LRRC37A2: variants seen among roughly 807,000 people sequenced by gnomAD.
LRRC37A2 encodes leucine rich repeat containing 37 member A2, also known as leucine-rich repeat-containing protein 37A2.
In LRRC37A2, 9 loss-of-function variants were observed where a neutral mutation model predicts 68.8. The ratio of observed to expected loss-of-function variants is 0.13; its 90% CI spans 0.08 to 0.23. The LOEUF (loss-of-function observed/expected upper bound fraction) is 0.23, where lower values mean the gene tolerates loss of function less well. Among genes scored for constraint, LRRC37A2 ranks in the 10% least tolerant of loss-of-function variants. The pLI is 1.00. For missense variants in LRRC37A2, 168 were observed against 950.4 expected (o/e 0.18, Z 10.82); for synonymous variants, 63 against 367.6 (o/e 0.17, Z 9.48).
chr17:46,822,814 C>T, the LRRC37A2 span, among the ~76,000 whole-genome samples: 2 of 151,942 alleles, frequency 1.3e-5, no homozygotes, highest in Non-Finnish European at 2.9e-5. Flanking sequence ...CCAGATCCAC[C>T]CTGCGGATGC....
At chr17:46,727,489 G>C in the LRRC37A2 span, among the ~76,000 whole-genome samples, 26 of 152,282 alleles carry the variant, frequency 1.7e-4, no homozygotes, top group East Asian at 4.4e-3. Flanking sequence ...TAATGGTGTA[G>C]TCGTGATTTC....
chr17:46,939,228 A>C, the LRRC37A2 span: 1 of 1,055,930 alleles, frequency 9.5e-7, no homozygotes, highest in Non-Finnish European at 1.1e-6. Flanking sequence ...ATTAAATAGT[A>C]GGTCGATTCA....
At chr17:47,040,838 G>A in the LRRC37A2 span, among the ~76,000 whole-genome samples, 1 of 7,376 alleles carries the variant, frequency 1.4e-4, no homozygotes, top group African/African-American at 3.0e-4. Flanking sequence ...CTATGCATGC[G>A]CATGACATTG....
chr17:47,045,480 TAAC>T, the LRRC37A2 span, among the ~76,000 whole-genome samples: 1 of 148,898 alleles, frequency 6.7e-6, no homozygotes, highest in African/African-American at 2.4e-5. Flanking sequence ...AACAGAGATT[TAAC>T]AATTTGCCCA....
the LRRC37A2 span, among the ~76,000 whole-genome samples, chr17:46,946,455 CCGTCTCAA>C: frequency 1.1e-3 from 130 of 117,220 alleles, no homozygotes; most frequent in Admixed American, 2.4e-3. Context: ...GAGCAAAACT[CCGTCTCAA>C]AAAAAAAAAA....
the LRRC37A2 span, among the ~76,000 whole-genome samples, chr17:46,703,689 A>AC: frequency 6.6e-6 from 1 of 150,998 alleles, no homozygotes; most frequent in Non-Finnish European, 1.5e-5. Context: ...TCAAAAAAAA[A>AC]AAAAAAAAAA....
the LRRC37A2 span, among the ~76,000 whole-genome samples, chr17:46,753,324 G>A: frequency 6.6e-6 from 1 of 152,176 alleles, no homozygotes; most frequent in Non-Finnish European, 1.5e-5. Context: ...TAACAAATTG[G>A]AAACGTGAAG....
chr17:46,781,850 G>A, the LRRC37A2 span, among the ~76,000 whole-genome samples: 3 of 152,276 alleles, frequency 2.0e-5, no homozygotes, highest in East Asian at 1.9e-4. Context: ...TCCTCTATAC[G>A]GGAAGATTGA....
At chr17:46,918,514 A>G in the LRRC37A2 span, among the ~76,000 whole-genome samples, 1 of 152,184 alleles carries the variant, frequency 6.6e-6, no homozygotes, top group African/African-American at 2.4e-5. Flanking sequence ...AGGTTGGTGC[A>G]AAAGTAATTA....
At chr17:46,976,806 C>G in the LRRC37A2 span, among the ~76,000 whole-genome samples, 1 of 152,230 alleles carries the variant, frequency 6.6e-6, no homozygotes, top group Non-Finnish European at 1.5e-5. Context: ...CTCCAGATAA[C>G]TGCACCACCT....
chr17:46,830,896 C>T, the LRRC37A2 span: 3 of 397,308 alleles, frequency 7.6e-6, no homozygotes, highest in Non-Finnish European at 1.3e-5. Context: ...CAGCACCTCT[C>T]CAACACTTGC....
chr17:46,949,733 C>T, the LRRC37A2 span, among the ~76,000 whole-genome samples: 2 of 152,168 alleles, frequency 1.3e-5, no homozygotes, highest in African/African-American at 4.8e-5. Context: ...GGCTTTTGAG[C>T]TGAATCTCAG....
the LRRC37A2 span, among the ~76,000 whole-genome samples, chr17:47,044,131 A>C: frequency 4.0e-5 from 5 of 125,514 alleles, no homozygotes; most frequent in Non-Finnish European, 8.4e-5. Context: ...TGTTTCCTCC[A>C]CAGTCAGGGC....
At chr17:46,980,529 A>G in the LRRC37A2 span, among the ~76,000 whole-genome samples, 1 of 151,928 alleles carries the variant, frequency 6.6e-6, no homozygotes, top group Non-Finnish European at 1.5e-5. Context: ...GGACCTGTAG[A>G]ATCAAAAAGT....
the LRRC37A2 span, chr17:46,931,314 A>C: frequency 1.4e-6 from 1 of 729,346 alleles, no homozygotes; most frequent in Non-Finnish European, 2.5e-6. Flanking sequence ...TACATGTTGA[A>C]AAACTATGAC....
intron 8 of LRRC37A2, among the ~76,000 whole-genome samples, chr17:46,543,722 T>G (rs191428891): frequency 1.3e-5 from 2 of 151,076 alleles, no homozygotes; most frequent in African/African-American, 5.0e-5. Flanking sequence ...TGATTCCAGA[T>G]GAAAGTTATA....
the LRRC37A2 span, chr17:46,923,143 C>G: frequency 1.6e-6 from 2 of 1,244,474 alleles, no homozygotes; most frequent in Non-Finnish European, 2.3e-6. Context: ...GCTGTGAGGA[C>G]GTGTTCCGAG....
chr17:46,823,626 G>C, the LRRC37A2 span, among the ~76,000 whole-genome samples: 1 of 152,116 alleles, frequency 6.6e-6, no homozygotes, highest in South Asian at 2.1e-4. Context: ...TTTTGGTAGA[G>C]ACAGGGTTTC....
the LRRC37A2 span, among the ~76,000 whole-genome samples, chr17:46,888,577 G>A: frequency 6.6e-6 from 1 of 152,128 alleles, no homozygotes; most frequent in Admixed American, 6.5e-5. Flanking sequence ...AGGGCAGAAA[G>A]AAGTTTGAAG....
Sources: allele counts gnomAD v4.1 joint callset (sites outside exome capture counted in the v4.1 genomes callset), GRCh38; gene constraint gnomAD v4.1.1; transcripts MANE v1.5; gene names NCBI Gene and HGNC (gene_info 2026-07-23, HGNC 2026-07-21).